The following WWP2 variants were observed in gnomAD, a reference collection of about 807,000 sequenced individuals.
WWP2 encodes WW domain containing E3 ubiquitin protein ligase 2.
A neutral mutation model predicts 121.0 loss-of-function variants in WWP2; 57 were observed. The observed-to-expected ratio is 0.47, with a 90% CI of 0.38 to 0.59. WWP2 has a LOEUF of 0.59. Among genes scored for constraint, WWP2 ranks in the 20% least tolerant of loss-of-function variants. The probability of loss-of-function intolerance (pLI) is 0.00; values close to 1 mark genes in which losing one functional copy is unlikely to be tolerated. For synonymous variants in WWP2, 449 were observed against 441.3 expected, an observed-to-expected ratio of 1.02 and a Z score of -0.22; for missense variants, 962 against 1,158.9, an observed-to-expected ratio of 0.83 and a Z score of 2.47.
chr16:69,933,395 G>T (rs1011164222), intron 16 of WWP2, among the ~76,000 whole-genome samples: 3 of 152,154 alleles, frequency 2.0e-5, no homozygotes, highest in Non-Finnish European at 4.4e-5. Flanking sequence ...TGAAGGGAGG[G>T]CAAAGTGCAA....
chr16:69,902,259 G>A (rs2058217130), intron 8 of WWP2, among the ~76,000 whole-genome samples: 1 of 152,198 alleles, frequency 6.6e-6, no homozygotes, highest in Non-Finnish European at 1.5e-5. Flanking sequence ...AGATGGAGAT[G>A]TTTAGCCTTT....
chr16:69,887,984 T>A (rs1207001963), intron 7 of WWP2, 55 bp from the exon 8 acceptor site: 1 of 1,593,868 alleles, frequency 6.3e-7, no homozygotes, highest in Non-Finnish European at 8.6e-7. Flanking sequence ...CTAGCAAGTA[T>A]AAATAAAATT....
Position 69,936,421 on chromosome 16 carries a change from G to C in WWP2, c.2086G>C (p.Val696Leu). 1 of 1,614,100 alleles carries C rather than the reference G, an allele frequency of 6.2e-7. No homozygotes were observed. ...GAAGGAGGGCGGCGAGAGCATCCGG[G>C]TCACAGAGGAGAACAAGGAAGAGTA... Reference protein sequence around the residue: ...ELKEGGESIRVTEENKEEYIM... With the variant: ...ELKEGGESIRLTEENKEEYIM... Residue 696 changes from valine to leucine, a missense_variant, in exon 19 of 24, where the codon GTC becomes CTC. Coordinates refer to ENST00000359154, the MANE Select transcript of WWP2 (RefSeq NM_001270454.2).
intron 8 of WWP2, among the ~76,000 whole-genome samples, chr16:69,904,381 T>TC (rs1567420192): frequency 6.6e-6 from 1 of 151,580 alleles, no homozygotes; most frequent in East Asian, 1.9e-4. Context: ...CATTTTCTTT[T>TC]TTTTTTTTTT....
chr16:69,853,492 CATT>C (rs1444826808), intron 6 of WWP2, among the ~76,000 whole-genome samples: 9 of 152,212 alleles, frequency 5.9e-5, no homozygotes, highest in Admixed American at 2.0e-4. Context: ...AAGAACTTCT[CATT>C]GGTGCAACCT....
chr16:69,891,064 G>C (rs922719902), intron 8 of WWP2, among the ~76,000 whole-genome samples: 24 of 152,136 alleles, frequency 1.6e-4, no homozygotes, highest in Admixed American at 1.5e-3. Context: ...AGGGCTCTGT[G>C]GGCTGACTCG....
chr16:69,934,269 T>G lies in WWP2; in HGVS notation c.1842+140T>G, dbSNP rs2058762955. 5 of 1,142,476 alleles carry G rather than the reference T, an allele frequency of 4.4e-6. No individual in the cohort carries two copies. The South Asian group carries it at 6.2e-5, about 14-fold the overall frequency. The allele number at this position is 1,142,476 out of a possible 1,614,324, so 70.8% of individuals were successfully genotyped here. On this transcript the variant is annotated intron_variant, in intron 17 of 23. Transcript: ENST00000359154. ...GAAGGGGCAGCATTGGAGGAGGCCC[T>G]GGGCCTGTTCACCAGGAGGCAGCGT...
chr16:69,849,184 C>G (rs966821003), intron 6 of WWP2, among the ~76,000 whole-genome samples: 13 of 152,088 alleles, frequency 8.5e-5, no homozygotes, highest in Non-Finnish European at 1.6e-4. Context: ...TCAGGAAGTC[C>G]TGGGAGGGCC....
chr16:69,866,798 CCGTA>C (rs2057532193), intron 6 of WWP2, among the ~76,000 whole-genome samples: 2 of 146,112 alleles, frequency 1.4e-5, no homozygotes, highest in Non-Finnish European at 3.0e-5. Context: ...GCTTTCAGTT[CCGTA>C]TTTATTTATT....
rs1225332180 is a variant in WWP2, at chr16:69,870,333, C to G, written c.576-1471C>G. On this transcript the variant is annotated intron_variant, in intron 6 of 23. Transcript: ENST00000359154. ...TTTTTTTTGGAGACACTCTCACTCA[C>G]TCTGTCACCCAGGCTGGAATACAGT... Among the ~76,000 whole-genome samples the G allele has an allele frequency of 3.5e-5, 5 of 144,330 alleles. 1 individual carries two copies. The Admixed American group carries it at 3.5e-4, about 10-fold the overall frequency. 94.7% of individuals were successfully genotyped at this position (144,330 alleles called of 152,430 possible). A position where few individuals can be genotyped will look rare whatever the true frequency, so the allele number is the denominator to read the frequency against.
At chr16:69,845,137 T>C (rs1171123894) in intron 6 of WWP2, among the ~76,000 whole-genome samples, 1 of 152,164 alleles carries the variant, frequency 6.6e-6, no homozygotes, top group Non-Finnish European at 1.5e-5. Flanking sequence ...CCCCAGTTTT[T>C]TTCAGGTGTA....
At chr16:69,884,010 A>G (rs182630707) in intron 7 of WWP2, among the ~76,000 whole-genome samples, 1 of 152,324 alleles carries the variant, frequency 6.6e-6, no homozygotes, top group East Asian at 1.9e-4. Context: ...ATAAAAGCTT[A>G]GACAGTATAA....
intron 8 of WWP2, among the ~76,000 whole-genome samples, chr16:69,900,609 G>A (rs765511212): frequency 4.1e-4 from 62 of 151,454 alleles, no homozygotes; most frequent in Non-Finnish European, 2.2e-4. Flanking sequence ...TGCATCCTCC[G>A]CCTCCTGGAC....
At position 69,847,021 on chromosome 16, in the gene WWP2, G is replaced by C. The variant is rs1307329158; in HGVS notation, c.575+4901G>C. 2.0e-5 allele frequency among the ~76,000 whole-genome samples: 3 copies of C among 152,070 alleles called. No homozygotes were observed. In the East Asian group the frequency reaches 5.8e-4, roughly 29 times the overall value. On this transcript the variant is annotated intron_variant, in intron 6 of 23. Transcript: ENST00000359154. ...GGATCCTCTTGCTTTAGCCTCCCAAGTAGCTGGGACTACAGGTGTGTGCCA... is the reference window on the plus strand; with the variant it reads ...GGATCCTCTTGCTTTAGCCTCCCAACTAGCTGGGACTACAGGTGTGTGCCA...
intron 8 of WWP2, among the ~76,000 whole-genome samples, chr16:69,892,366 C>A (rs1228991530): frequency 6.6e-6 from 1 of 151,744 alleles, no homozygotes; most frequent in Non-Finnish European, 1.5e-5. Flanking sequence ...CCTGACAGGC[C>A]CCGGTGTGTG....
chr16:69,836,022 C>T (rs187335032), intron 4 of WWP2, among the ~76,000 whole-genome samples: 13 of 152,194 alleles, frequency 8.5e-5, no homozygotes, highest in East Asian at 5.8e-4. Context: ...AGGCTGATCT[C>T]GAACTCCTGG....
intron 10 of WWP2, among the ~76,000 whole-genome samples, chr16:69,924,085 G>C (rs781583005): frequency 4.6e-5 from 7 of 152,262 alleles, no homozygotes; most frequent in Non-Finnish European, 1.0e-4. Context: ...GTGGGCAGGA[G>C]GCCCTGCCCT....
intron 9 of WWP2, among the ~76,000 whole-genome samples, chr16:69,912,933 A>T (rs1567427222): frequency 1.6e-3 from 2 of 1,224 alleles, no homozygotes; most frequent in Non-Finnish European, 2.5e-3. Flanking sequence ...CAAAAAAAAA[A>T]AAAAAAAAAA....
intron 4 of WWP2, among the ~76,000 whole-genome samples, chr16:69,834,619 C>T (rs1401274417): frequency 6.6e-6 from 1 of 151,006 alleles, no homozygotes; most frequent in African/African-American, 2.4e-5. Context: ...TTCTGTTTTC[C>T]GGGTTCAAGC....
Sources: allele counts gnomAD v4.1 joint callset (sites outside exome capture counted in the v4.1 genomes callset), GRCh38; gene constraint gnomAD v4.1.1; transcripts MANE v1.5; gene names NCBI Gene and HGNC (gene_info 2026-07-23, HGNC 2026-07-21).